The following GIGYF2 variants were observed in gnomAD, a reference collection of about 807,000 sequenced individuals.
GIGYF2 encodes the protein GRB10 interacting GYF protein 2.
A neutral mutation model predicts 208.1 loss-of-function variants in GIGYF2; 25 were observed. That is an observed-to-expected ratio of 0.12 (90% CI 0.09 to 0.17). The LOEUF (loss-of-function observed/expected upper bound fraction) is 0.17. Ranked by LOEUF, GIGYF2 falls within the 10% of genes least tolerant of loss-of-function variation. The pLI is 1.00. For synonymous variants in GIGYF2, 534 were observed against 543.8 expected (o/e 0.98, Z 0.25); for missense variants, 1,302 against 1,579.4 (o/e 0.82, Z 2.98).
At chr2:232,730,897 CAAAA>C (rs34491260) in intron 2 of GIGYF2, among the ~76,000 whole-genome samples, 4 of 51,570 alleles carry the variant, frequency 7.8e-5, no homozygotes, top group African/African-American at 2.8e-4. Context: ...GACTCCGTCT[CAAAA>C]AAAAAAAAAA....
chr2:232,855,915 T>C (rs1306752544), intron 28 of GIGYF2, among the ~76,000 whole-genome samples: 1 of 135,266 alleles, frequency 7.4e-6, no homozygotes, highest in Non-Finnish European at 1.6e-5. Flanking sequence ...GAAGCAGTGG[T>C]TTGCAGGGGG....
intron 21 of GIGYF2, 84 bp downstream of exon 21, chr2:232,820,069 T>C (rs1011998178): frequency 1.3e-6 from 2 of 1,508,746 alleles, no homozygotes; most frequent in African/African-American, 1.4e-5. Context: ...TAAGGTAGCC[T>C]ATCTAAAATT....
chr2:232,793,775 A>G (rs1330946405), intron 12 of GIGYF2, among the ~76,000 whole-genome samples: 4 of 152,196 alleles, frequency 2.6e-5, no homozygotes, highest in Non-Finnish European at 5.9e-5. Context: ...CCTCAGAGGT[A>G]AAAGTAGAGA....
At chr2:232,740,875 G>A (rs9288675) in intron 3 of GIGYF2, among the ~76,000 whole-genome samples, 30,967 of 152,128 alleles carry the variant, frequency 0.2, 3,329 homozygotes, top group Non-Finnish European at 0.22. Flanking sequence ...GTAAACTGAA[G>A]GAGTAGTAAA....
At position 232,768,022 on chromosome 2, in the gene GIGYF2, T is replaced by A. The variant is rs1239195570; in HGVS notation, c.532+6586T>A. 9 of 652,542 alleles carry A rather than the reference T, an allele frequency of 1.4e-5. No homozygotes were observed. The East Asian group carries it at 2.5e-4, about 18-fold the overall frequency. The allele number at this position is 652,542 out of a possible 1,614,324, so 40.4% of individuals were successfully genotyped here. On this transcript the variant is annotated intron_variant, in intron 8 of 28. Transcript: ENST00000373563. ...ACTTTGTAATGTAGAGTGTTATGTT[T>A]CCAGAATGTGTATTGTTAGCTCAGC...
intron 2 of GIGYF2, among the ~76,000 whole-genome samples, chr2:232,731,977 A>C (rs1308620538): frequency 6.6e-6 from 1 of 152,254 alleles, no homozygotes. Flanking sequence ...AAATAGAAGT[A>C]AAATAAATTT....
intron 21 of GIGYF2, among the ~76,000 whole-genome samples, chr2:232,824,619 A>G (rs920683412): frequency 6.6e-6 from 1 of 152,236 alleles, no homozygotes; most frequent in Non-Finnish European, 1.5e-5. Flanking sequence ...GAAAGAAGCC[A>G]TTTCCATAAA....
At position 232,839,866 on chromosome 2, in the gene GIGYF2, G is replaced by A. The variant is rs149682624; in HGVS notation, c.2784G>A (p.Thr928=). ...LAQMKLPSSS[T]WGQQSNTTAC... is the part of the protein sequence containing the mutation. Reference sequence around the variant, plus strand: ...TTTGTTAGCTTCCTTCTTCTTCAACGTGGGGCCAGCAGTCCAATACAACAG... The same window carrying A: ...TTTGTTAGCTTCCTTCTTCTTCAACATGGGGCCAGCAGTCCAATACAACAG... The change falls in exon 23 of 29, where the codon ACG becomes ACA. Residue 928 remains threonine, a synonymous_variant. Coordinates refer to ENST00000373563, the MANE Select transcript of GIGYF2 (RefSeq NM_001103146.3). The A allele has an allele frequency of 5.6e-6, 9 of 1,613,758 alleles. No individual in the cohort carries two copies. The highest frequency in any genetic ancestry group is 1.3e-5 in the African/African-American group (1 of 74,844).
chr2:232,757,403 T>G (rs1698591538), intron 6 of GIGYF2, among the ~76,000 whole-genome samples: 1 of 151,444 alleles, frequency 6.6e-6, no homozygotes, highest in Non-Finnish European at 1.5e-5. Context: ...TCTGTAAAAC[T>G]TAAAGGAAAT....
At chr2:232,707,765 G>C (rs759786726) in intron 2 of GIGYF2, among the ~76,000 whole-genome samples, 1 of 151,274 alleles carries the variant, frequency 6.6e-6, no homozygotes, top group Non-Finnish European at 1.5e-5. Context: ...AGCCTCCCTA[G>C]TAGCTGGGAT....
intron 14 of GIGYF2, among the ~76,000 whole-genome samples, chr2:232,796,904 C>T (rs1700238354): frequency 6.6e-6 from 1 of 152,054 alleles, no homozygotes; most frequent in South Asian, 2.1e-4. Flanking sequence ...ACAAATATGA[C>T]AGGGATAATA....
At position 232,836,383 on chromosome 2, in the gene GIGYF2, A is replaced by T. The variant is rs1011998777; in HGVS notation, c.2766+3290A>T. Among the ~76,000 whole-genome samples, 4 of 42,700 alleles carry T rather than the reference A, an allele frequency of 9.4e-5. 1 individual carries two copies. Among genetic ancestry groups the T allele is most frequent in the Non-Finnish European group, 1.8e-4 (4 of 22,516 alleles). 28.0% of individuals were successfully genotyped at this position (42,700 alleles called of 152,430 possible). A position where few individuals can be genotyped will look rare whatever the true frequency, so the allele number is the denominator to read the frequency against. On this transcript the variant is annotated intron_variant, in intron 22 of 28. Coordinates refer to ENST00000373563, the MANE Select transcript of GIGYF2 (RefSeq NM_001103146.3). ...ATAAATATAAATATATATAAATATA[A>T]ATATATATAAATATAAATATATATA... is the stretch of plus-strand genomic sequence containing the variant.
intron 8 of GIGYF2, among the ~76,000 whole-genome samples, chr2:232,771,579 C>A (rs1026358113): frequency 1.3e-5 from 2 of 152,168 alleles, no homozygotes; most frequent in African/African-American, 4.8e-5. Context: ...CTTAAAATAT[C>A]TCTTCTATTG....
At chr2:232,796,545 G>A (rs766486438) in intron 14 of GIGYF2, among the ~76,000 whole-genome samples, 3 of 152,160 alleles carry the variant, frequency 2.0e-5, no homozygotes, top group Non-Finnish European at 2.9e-5. Context: ...TTTTGTATTA[G>A]AGATAGTCAA....
chr2:232,726,419 C>CTTTAA, intron 2 of GIGYF2, among the ~76,000 whole-genome samples: 1 of 151,160 alleles, frequency 6.6e-6, no homozygotes, highest in African/African-American at 2.4e-5. Context: ...CTCCCCACCG[C>CTTTAA]CAAATACCCT....
intron 28 of GIGYF2, among the ~76,000 whole-genome samples, chr2:232,852,191 C>T (rs1690369655): frequency 6.6e-6 from 1 of 152,212 alleles, no homozygotes; most frequent in Non-Finnish European, 1.5e-5. Flanking sequence ...CCCTCAGAGC[C>T]TTCCAGCCCT....
chr2:232,700,017 A>C (rs1695775766), intron 1 of GIGYF2, among the ~76,000 whole-genome samples: 1 of 152,142 alleles, frequency 6.6e-6, no homozygotes, highest in Non-Finnish European at 1.5e-5. Context: ...CTTTTTACTG[A>C]GCTTTCATAA....
At chr2:232,725,448 A>G (rs1697154224) in intron 2 of GIGYF2, among the ~76,000 whole-genome samples, 1 of 152,274 alleles carries the variant, frequency 6.6e-6, no homozygotes, top group East Asian at 1.9e-4. Flanking sequence ...TGGAGTCCTT[A>G]TAATACAGGT....
intron 2 of GIGYF2, among the ~76,000 whole-genome samples, chr2:232,711,526 A>G (rs549774105): frequency 2.1e-4 from 32 of 151,372 alleles, no homozygotes; most frequent in South Asian, 1.7e-3. Flanking sequence ...TGACATACCT[A>G]TTTTCTAAAA....
Sources: allele counts gnomAD v4.1 joint callset (sites outside exome capture counted in the v4.1 genomes callset), GRCh38; gene constraint gnomAD v4.1.1; transcripts MANE v1.5; gene names NCBI Gene and HGNC (gene_info 2026-07-23, HGNC 2026-07-21).